Variants in HUNK observed in about 807,000 individuals in gnomAD.
The protein encoded by HUNK is hormonally up-regulated neu tumor-associated kinase.
A neutral mutation model predicts 61.0 loss-of-function variants in HUNK; 21 were observed. The observed-to-expected ratio is 0.34, with a 90% CI of 0.24 to 0.50. HUNK has a LOEUF of 0.50. HUNK is among the 20% of genes least tolerant of loss of function. The pLI is 0.98. For missense variants in HUNK, 772 were observed against 945.7 expected (o/e 0.82, Z 2.41); for synonymous variants, 371 against 386.1 (o/e 0.96, Z 0.46).
At chr21:31,908,652 C>T (rs558453469) in intron 1 of HUNK, among the ~76,000 whole-genome samples, 35 of 152,260 alleles carry the variant, frequency 2.3e-4, no homozygotes, top group Non-Finnish European at 3.7e-4. Context: ...GCAAGTTCCC[C>T]GTCATGGCTG....
intron 2 of HUNK, among the ~76,000 whole-genome samples, chr21:31,928,950 A>C (rs193143978): frequency 6.6e-6 from 1 of 152,252 alleles, no homozygotes; most frequent in Non-Finnish European, 1.5e-5. Context: ...TGGTGGGAAG[A>C]TTTCTAAGTA....
At chr21:31,968,515 C>T (rs2052984309) in intron 6 of HUNK, 130 bp downstream of exon 6, 1 of 980,478 alleles carries the variant, frequency 1.0e-6, no homozygotes, top group Non-Finnish European at 1.5e-6. Flanking sequence ...ATCTCCCCTT[C>T]CCCCTAACAC....
At chr21:31,881,445 G>A (rs1470622256) in intron 1 of HUNK, among the ~76,000 whole-genome samples, 2 of 152,024 alleles carry the variant, frequency 1.3e-5, no homozygotes, top group African/African-American at 4.8e-5. Context: ...TGGCCAACAT[G>A]GTGAAACCCT....
In HUNK at chr21:31,873,731, C is replaced by A; in HGVS notation, c.57C>A (p.Gly19=). The A allele has an allele frequency of 8.1e-7, 1 of 1,236,796 alleles. No homozygotes were observed. Among genetic ancestry groups the A allele is most frequent in the South Asian group, 3.3e-5 (1 of 30,348 alleles). 76.6% of individuals were successfully genotyped at this position (1,236,796 alleles called of 1,614,324 possible). Residue 19 remains glycine (G), a synonymous_variant, in exon 1 of 11, where the codon GGC becomes GGA. Coordinates refer to ENST00000270112, the MANE Select transcript of HUNK (RefSeq NM_014586.2). This position sits in a 1 kb window ranked among gnomAD's most constrained non-coding sequence, Gnocchi z 6.1. ...LLGEPAAPGG[G]GGAEDAARPA... Reference sequence around the variant, plus strand: ...GGGAGCCGGCGGCGCCTGGGGGCGGCGGCGGCGCGGAGGACGCGGCCAGGC... The same window carrying A: ...GGGAGCCGGCGGCGCCTGGGGGCGGAGGCGGCGCGGAGGACGCGGCCAGGC...
In HUNK at chr21:31,998,637, A is replaced by G; in HGVS notation, c.1598A>G (p.Lys533Arg). 1.2e-6 allele frequency: 2 copies of G among 1,614,162 alleles called. No individual in the cohort carries two copies. Among genetic ancestry groups the G allele is most frequent in the South Asian group, 1.1e-5 (1 of 91,064 alleles). The change falls in exon 11 of 11, where the codon AAG becomes AGG. Residue 533 changes from lysine (K) to arginine (R), a missense_variant. By Grantham distance (26) the Lys-to-Arg change is conservative. Around this residue, in one of 2 missense-constraint regions of HUNK, gnomAD observed 413 missense variants for 444.4 expected, o/e 0.93. Transcript: ENST00000270112. ...VPPPRTPRIVKKPEPHQPGPG... is the reference protein window; with the variant it reads ...VPPPRTPRIVRKPEPHQPGPG... ...CCGCCCAGGACCCCGAGGATTGTGAAGAAACCGGAGCCCCATCAGCCAGGG... is the reference window on the plus strand; with the variant it reads ...CCGCCCAGGACCCCGAGGATTGTGAGGAAACCGGAGCCCCATCAGCCAGGG...
chr21:31,895,199 A>G (rs919307256), intron 1 of HUNK, among the ~76,000 whole-genome samples: 1 of 152,192 alleles, frequency 6.6e-6, no homozygotes, highest in Non-Finnish European at 1.5e-5. Flanking sequence ...GGCATATGTA[A>G]CAATTAGGGT....
chr21:31,983,381 G>A (rs2053111577), intron 7 of HUNK, 145 bp from the exon 8 acceptor site: 1 of 658,866 alleles, frequency 1.5e-6, no homozygotes, highest in Non-Finnish European at 2.6e-6. Context: ...CCTTCCTGGG[G>A]TGAGACTTGA....
intron 1 of HUNK, among the ~76,000 whole-genome samples, chr21:31,889,743 C>T (rs575256172): frequency 6.6e-6 from 1 of 152,236 alleles, no homozygotes; most frequent in East Asian, 1.9e-4. Flanking sequence ...CTATTTTACT[C>T]CCACCTAATT....
At chr21:31,923,857 G>T (rs931789550) in intron 1 of HUNK, among the ~76,000 whole-genome samples, 1 of 152,166 alleles carries the variant, frequency 6.6e-6, no homozygotes, top group South Asian at 2.1e-4. Context: ...GACAGTGGGG[G>T]CCAAGTTTCC....
chr21:31,969,798 C>G (rs936625222), intron 6 of HUNK, among the ~76,000 whole-genome samples: 2 of 152,052 alleles, frequency 1.3e-5, no homozygotes, highest in African/African-American at 4.8e-5. Flanking sequence ...AACTCCTGGG[C>G]TCAAGTGATC....
At chr21:31,931,301 C>T (rs1263210212) in intron 2 of HUNK, among the ~76,000 whole-genome samples, 1 of 152,146 alleles carries the variant, frequency 6.6e-6, no homozygotes, top group Non-Finnish European at 1.5e-5. Flanking sequence ...GGCATGCCCC[C>T]CAATACTCTT....
chr21:31,994,557 G>A lies in HUNK; in HGVS notation c.1306-1211G>A, dbSNP rs748688068. 4.6e-5 allele frequency among the ~76,000 whole-genome samples: 7 copies of A among 152,216 alleles called. No homozygotes were observed. The East Asian group carries it at 1.2e-3, about 25-fold the overall frequency. ...GAGTCTTTTTTTCCTCCTCACCCAC[G>A]GTGAGGTCAGAGGTGGAGTTGCTTT... is the stretch of plus-strand genomic sequence containing the variant. On this transcript the variant is annotated intron_variant, in intron 9 of 10. Coordinates refer to ENST00000270112, the MANE Select transcript of HUNK (RefSeq NM_014586.2).
chr21:31,925,728 C>T (rs932789022), intron 2 of HUNK, among the ~76,000 whole-genome samples: 3 of 152,126 alleles, frequency 2.0e-5, no homozygotes, highest in Non-Finnish European at 2.9e-5. Flanking sequence ...ATGGAAACAG[C>T]GTTCTTGGCA....
At chr21:31,966,712 A>G (rs772497679) in intron 5 of HUNK, among the ~76,000 whole-genome samples, 4 of 152,248 alleles carry the variant, frequency 2.6e-5, no homozygotes, top group Non-Finnish European at 4.4e-5. Flanking sequence ...AGAAAGTAGG[A>G]CATTTTATGG....
rs150220917 is a variant in HUNK, at chr21:31,986,884, G to A, written c.1258-3245G>A. Among the ~76,000 whole-genome samples the A allele has an allele frequency of 2.3e-3, 346 of 152,170 alleles. 1 individual carries two copies. In the Middle Eastern group the frequency reaches 0.027, roughly 12 times the overall value. On this transcript the variant is annotated intron_variant, in intron 8 of 10. Coordinates refer to ENST00000270112, the MANE Select transcript of HUNK (RefSeq NM_014586.2). Reference sequence around the variant, plus strand: ...CCTATCGATCCTATCTGCCTACCACGTTCTACATCCTGGGGCCTGTCCCAT... The same window carrying A: ...CCTATCGATCCTATCTGCCTACCACATTCTACATCCTGGGGCCTGTCCCAT...
At chr21:31,944,999 G>A (rs911614861) in intron 3 of HUNK, among the ~76,000 whole-genome samples, 1 of 152,178 alleles carries the variant, frequency 6.6e-6, no homozygotes, top group Non-Finnish European at 1.5e-5. Flanking sequence ...GTTAGAGTGA[G>A]GTGAGAATAC....
intron 5 of HUNK, among the ~76,000 whole-genome samples, chr21:31,961,231 G>A (rs1568935376): frequency 6.7e-6 from 1 of 148,952 alleles, no homozygotes; most frequent in Non-Finnish European, 1.5e-5. Flanking sequence ...AATCTGAGCT[G>A]TTTTTTTTTT....
intron 1 of HUNK, among the ~76,000 whole-genome samples, chr21:31,899,674 C>T (rs2052450013): frequency 6.6e-6 from 1 of 152,294 alleles, no homozygotes; most frequent in African/African-American, 2.4e-5. Context: ...ACCAATCTGC[C>T]TCTTCTTCAT....
At chr21:31,993,518 T>C (rs1291062640) in intron 9 of HUNK, among the ~76,000 whole-genome samples, 2 of 152,248 alleles carry the variant, frequency 1.3e-5, no homozygotes, top group African/African-American at 4.8e-5. Context: ...TTGATTACTT[T>C]TTCCTGTAGA....
Sources: allele counts gnomAD v4.1 joint callset (sites outside exome capture counted in the v4.1 genomes callset), GRCh38; gene constraint gnomAD v4.1.1; regional missense constraint gnomAD v4.1.1; non-coding constraint Gnocchi (gnomAD v3.1); transcripts MANE v1.5; gene names NCBI Gene and HGNC (gene_info 2026-07-23, HGNC 2026-07-21).